Variants in MPO observed in about 807,000 individuals in gnomAD.
MPO encodes the protein myeloperoxidase.
A neutral mutation model predicts 69.4 loss-of-function variants in MPO; 57 were observed. The ratio of observed to expected loss-of-function variants is 0.82; its 90% CI spans 0.66 to 1.02. The LOEUF (loss-of-function observed/expected upper bound fraction) is 1.02. MPO is among the 50% of genes least tolerant of loss of function. MPO has a pLI of 0.00. For synonymous variants in MPO, 426 were observed against 417.1 expected (o/e 1.02, Z -0.26); for missense variants, 971 against 1,014.1 (o/e 0.96, Z 0.58).
Position 58,270,891 on chromosome 17 carries a change from T to C in MPO, c.2031-28A>G. ...GCATGGGGAACACCCATGGACACTG[T>C]GCCCAAGGATATTCTGGGCTGGCAG... On this transcript the variant is annotated intron_variant, in intron 11 of 11. Coordinates refer to ENST00000225275, the MANE Select transcript of MPO (RefSeq NM_000250.2). This position sits in a 1 kb window ranked among gnomAD's most constrained non-coding sequence, Gnocchi z 4.1. 6.2e-7 allele frequency: 1 copy of C among 1,611,680 alleles called. No individual in the cohort carries two copies. Among genetic ancestry groups the C allele is most frequent in the East Asian group, 2.2e-5 (1 of 44,878 alleles).
In MPO at chr17:58,279,837, A is replaced by G. The variant is rs1287953025; in HGVS notation, c.424+2T>C. On this transcript the variant is annotated splice_donor_variant, in intron 3 of 11. Transcript: ENST00000225275. LOFTEE classifies it high-confidence loss of function. ...GACCTGGGGTGTGATGGGCAACAGTACCAGTGACATTGAATGGCCTTCGCC... is the reference window on the plus strand; with the variant it reads ...GACCTGGGGTGTGATGGGCAACAGTGCCAGTGACATTGAATGGCCTTCGCC... The G allele has an allele frequency of 6.2e-7, 1 of 1,614,056 alleles. No individual in the cohort carries two copies. The highest frequency in any genetic ancestry group is 1.7e-5 in the Admixed American group (1 of 60,028).
Position 58,279,529 on chromosome 17 carries a change from T to C in MPO, c.542A>G (p.Asn181Ser). The change falls in exon 4 of 12, where the codon AAC becomes AGC. Residue 181 changes from asparagine to serine, a missense_variant. Physicochemically the swap from Asn to Ser is conservative, Grantham distance 46. Coordinates refer to ENST00000225275, the MANE Select transcript of MPO (RefSeq NM_000250.2). ...DKYRTITGMCNNRRSPTLGAS... is the reference protein window; with the variant it reads ...DKYRTITGMCSNRRSPTLGAS... ...CACCCCCAGCCAGCCGCACCTGTTG[T>C]TGCACATCCCGGTGATGGTGCGGTA... 2 of 1,614,050 alleles carry C rather than the reference T, an allele frequency of 1.2e-6. No individual in the cohort carries two copies. The highest frequency in any genetic ancestry group is 8.5e-7 in the Non-Finnish European group (1 of 1,180,016).
intron 8 of MPO, among the ~76,000 whole-genome samples, 174 bp from the exon 9 acceptor site, chr17:58,273,843 C>T (rs1425206815): frequency 6.6e-6 from 1 of 152,206 alleles, no homozygotes; most frequent in Non-Finnish European, 1.5e-5. Flanking sequence ...AACAGAGTGG[C>T]ACTGAGAGGC....
Position 58,279,325 on chromosome 17 carries a change from A to AC in MPO, c.649dup (p.Val217GlyfsTer24). ...AGCCACCGGGAAGCCGTTGCGCTTG[A>AC]CCCCGGGCGTCCAGCCGTAGGGAAG... On this transcript the variant is annotated frameshift_variant, in exon 5 of 12. Transcript: ENST00000225275. LOFTEE classifies it high-confidence loss of function. 6.4e-7 allele frequency: 1 copy of AC among 1,568,992 alleles called. No homozygotes were observed. The highest frequency in any genetic ancestry group is 8.6e-7 in the Non-Finnish European group (1 of 1,157,838).
In MPO at chr17:58,275,065, G is replaced by A. The variant is rs912089367; in HGVS notation, c.1365+477C>T. Reference sequence around the variant, plus strand: ...TTTTTAGTAGAGATGGGGTTTCACCGTGTTAGCCAGCATGGTCTTGATCTC... The same window carrying A: ...TTTTTAGTAGAGATGGGGTTTCACCATGTTAGCCAGCATGGTCTTGATCTC... On this transcript the variant is annotated intron_variant, in intron 8 of 11. Transcript: ENST00000225275. This position sits in a 1 kb window ranked among gnomAD's most constrained non-coding sequence, Gnocchi z 4.1. 3.3e-5 allele frequency among the ~76,000 whole-genome samples: 5 copies of A among 151,844 alleles called. No individual in the cohort carries two copies. The highest frequency in any genetic ancestry group is 5.9e-5 in the Non-Finnish European group (4 of 67,978).
chr17:58,276,097 T>C (rs1272131114), intron 7 of MPO, among the ~76,000 whole-genome samples: 1 of 152,212 alleles, frequency 6.6e-6, no homozygotes, highest in Non-Finnish European at 1.5e-5. Flanking sequence ...TGGTACAAAG[T>C]ATGAGACTTA....
Position 58,279,450 on chromosome 17 carries a change from A to G in MPO, c.549-24T>C, listed in dbSNP as rs758220746. 3.7e-6 allele frequency: 6 copies of G among 1,611,756 alleles called. No individual in the cohort carries two copies. In the African/African-American group the frequency reaches 8.0e-5, roughly 22 times the overall value. ...GTCTGCAGGGGAGGACAGGGCGCTG[A>G]CACCGGGAGGCTTGTGGCGTCCGGG... On this transcript the variant is annotated intron_variant, in intron 4 of 11. Coordinates refer to ENST00000225275, the MANE Select transcript of MPO (RefSeq NM_000250.2).
rs772562923 is a variant in MPO at position 58,270,744 on chromosome 17, ATGT to A, written c.2147_2149del (p.Asn716del). 12 of 1,614,112 alleles carry A rather than the reference ATGT, an allele frequency of 7.4e-6. No homozygotes were observed. Among genetic ancestry groups the A allele is most frequent in the African/African-American group, 1.3e-5 (1 of 75,026 alleles). ...CCGGGGATATGAGTTGGACATGAAGATGTTGTTCTTAGACACGGTGGTGATGCC... is the reference window on the plus strand; with the variant it reads ...CCGGGGATATGAGTTGGACATGAAGATGTTCTTAGACACGGTGGTGATGCC... On this transcript the variant is annotated inframe_deletion, in exon 12 of 12. Transcript: ENST00000225275. The surrounding 1 kb of genome is among the most constrained non-coding windows in gnomAD (Gnocchi z 4.1).
rs763816239 is a variant in MPO, at chr17:58,270,863, C to A, written c.2031G>T (p.Arg677=). 6 of 1,612,948 alleles carry A rather than the reference C, an allele frequency of 3.7e-6. No individual in the cohort carries two copies. The African/African-American group carries it at 4.0e-5, about 11-fold the overall frequency. Residue 677 remains arginine (R), a splice_region_variant and synonymous_variant, in exon 12 of 12, where the codon CGG becomes CGT. Transcript: ENST00000225275. The surrounding 1 kb of genome is among the most constrained non-coding windows in gnomAD (Gnocchi z 4.1). ...TQFRKLRDGD[R]FWWENEGVFS... ...ACACACCCTCGTTCTCCCACCAAAA[C>A]CTGCATGGGGAACACCCATGGACAC...
In MPO at chr17:58,270,513, G is replaced by A; in HGVS notation, c.*143C>T. 1.3e-6 allele frequency: 1 copy of A among 751,438 alleles called. No individual in the cohort carries two copies. Among genetic ancestry groups the A allele is most frequent in the South Asian group, 1.5e-5 (1 of 67,248 alleles). 46.5% of individuals were successfully genotyped at this position (751,438 alleles called of 1,614,324 possible). On this transcript the variant is annotated 3_prime_UTR_variant, in exon 12 of 12. Coordinates refer to ENST00000225275, the MANE Select transcript of MPO (RefSeq NM_000250.2). This position sits in a 1 kb window ranked among gnomAD's most constrained non-coding sequence, Gnocchi z 4.1. ...CAATTTATATACTTCGCACATACAT[G>A]AGCACACAAATGAACGTCTAGTCAC...
rs111767194 is a variant in MPO at position 58,279,890 on chromosome 17, G to A, written c.373C>T (p.Leu125=). 4 of 1,614,096 alleles carry A rather than the reference G, an allele frequency of 2.5e-6. No homozygotes were observed. Among genetic ancestry groups the A allele is most frequent in the South Asian group, 2.2e-5 (2 of 91,084 alleles). The stretch of plus-strand genomic sequence containing the variant: ...AGGGACCGCAGCTTCCTCTCCAGCA[G>A]GTCTAGAGCCACGTGCAGGTAGTCA... ...AADYLHVALD[L]LERKLRSLWR... is the part of the protein sequence containing the mutation. The change falls in exon 3 of 12, where the codon CTG becomes TTG. Residue 125 remains leucine (L), a synonymous_variant. Transcript: ENST00000225275.
At chr17:58,271,512 G>A (rs1392467349) in intron 11 of MPO, 143 bp downstream of exon 11, 8 of 841,242 alleles carry the variant, frequency 9.5e-6, no homozygotes, top group East Asian at 2.5e-5. Context: ...GGCACTCCAG[G>A]GCATCTGGAG....
In MPO at chr17:58,280,389, C is replaced by T. The variant is rs544572579; in HGVS notation, c.225G>A (p.Lys75=). ...SMEEAKQLVD[K]AYKERRESIK... Reference sequence around the variant, plus strand: ...ACCTTTCCCGCCGCTCCTTGTAGGCCTTGTCCACCAGCTGCTTGGCCTCCT... The same window carrying T: ...ACCTTTCCCGCCGCTCCTTGTAGGCTTTGTCCACCAGCTGCTTGGCCTCCT... Residue 75 remains lysine, a synonymous_variant, in exon 2 of 12, where the codon AAG becomes AAA. Transcript: ENST00000225275. The T allele has an allele frequency of 1.5e-5, 25 of 1,614,134 alleles. No homozygotes were observed. The highest frequency in any genetic ancestry group is 8.3e-5 in the Admixed American group (5 of 60,030).
In MPO at chr17:58,278,079, C is replaced by T. The variant is rs750719294; in HGVS notation, c.952G>A (p.Ala318Thr). The change falls in exon 7 of 12, where the codon GCT becomes ACT. Residue 318 changes from alanine to threonine, a missense_variant. Coordinates refer to ENST00000225275, the MANE Select transcript of MPO (RefSeq NM_000250.2). ...DCIPFFRSCP[A>T]CPGSNITIRN... ...ATGGTGATGTTGCTCCCGGGGCAAG[C>T]CGGGCAGGAGCGGAAGAACGGGATG... The T allele has an allele frequency of 1.9e-6, 3 of 1,610,972 alleles. No homozygotes were observed. The highest frequency in any genetic ancestry group is 2.2e-5 in the East Asian group (1 of 44,880).
At chr17:58,278,902 T>C (rs1300583960) in intron 6 of MPO, 106 bp downstream of exon 6, 1 of 1,351,940 alleles carries the variant, frequency 7.4e-7, no homozygotes, top group Non-Finnish European at 1.0e-6. Flanking sequence ...AGGGCCAGCC[T>C]TCCTCAGCGT....
chr17:58,271,007 GC>G, intron 11 of MPO, 144 bp from the exon 12 acceptor site: 1 of 815,252 alleles, frequency 1.2e-6, no homozygotes, highest in Non-Finnish European at 2.0e-6. Flanking sequence ...CCCTTGGGCA[GC>G]CCAGGGGCTT....
In MPO at chr17:58,277,828, T is replaced by G. The variant is rs775674990; in HGVS notation, c.1203A>C (p.Ala401=). The change falls in exon 7 of 12, where the codon GCA becomes GCC. Residue 401 remains alanine (A), a splice_region_variant and synonymous_variant. Transcript: ENST00000225275. ...NRSARIPCFL[A]GDTRSSEMPE... is the part of the protein sequence containing the mutation. ...TCTGGTCCCCACCCCAAAGCTGACCTGCCAGGAAGCAGGGGATGCGCGCTG... is the reference window on the plus strand; with the variant it reads ...TCTGGTCCCCACCCCAAAGCTGACCGGCCAGGAAGCAGGGGATGCGCGCTG... The G allele has an allele frequency of 5.6e-6, 9 of 1,602,186 alleles. No homozygotes were observed. Among genetic ancestry groups the G allele is most frequent in the South Asian group, 2.2e-5 (2 of 91,048 alleles).
intron 8 of MPO, chr17:58,274,073 G>A (rs528156857): frequency 5.0e-5 from 22 of 439,070 alleles, no homozygotes; most frequent in Middle Eastern, 3.4e-4. Flanking sequence ...TTGAGAGCAA[G>A]GGAAATTGAA....
At position 58,275,612 on chromosome 17, in the gene MPO, C is replaced by T; in HGVS notation, c.1295G>A (p.Ser432Asn). 6.2e-7 allele frequency: 1 copy of T among 1,614,178 alleles called. No homozygotes were observed. Among genetic ancestry groups the T allele is most frequent in the Admixed American group, 1.7e-5 (1 of 60,022 alleles). Reference protein sequence around the residue: ...EHNRLATELKSLNPRWDGERL... With the variant: ...EHNRLATELKNLNPRWDGERL... ...CTCCCCATCCCACCTAGGGTTCAGGCTCTTGAGCTCTGTGGCCAGCCGGTT... is the reference window on the plus strand; with the variant it reads ...CTCCCCATCCCACCTAGGGTTCAGGTTCTTGAGCTCTGTGGCCAGCCGGTT... Residue 432 changes from serine to asparagine, a missense_variant, in exon 8 of 12, where the codon AGC (serine) becomes AAC (asparagine). Ser to Asn is a conservative substitution (Grantham distance 46). Coordinates refer to ENST00000225275, the MANE Select transcript of MPO (RefSeq NM_000250.2). The surrounding 1 kb of genome is among the most constrained non-coding windows in gnomAD (Gnocchi z 4.1).
Sources: allele counts gnomAD v4.1 joint callset (sites outside exome capture counted in the v4.1 genomes callset), GRCh38; gene constraint gnomAD v4.1.1; non-coding constraint Gnocchi (gnomAD v3.1); transcripts MANE v1.5; gene names NCBI Gene and HGNC (gene_info 2026-07-23, HGNC 2026-07-21).